Variants in RBM25 observed in about 807,000 individuals in gnomAD.
RBM25 encodes the protein RNA binding motif protein 25.
RBM25 carries 19 observed loss-of-function variants against 120.7 expected under a neutral mutation model. The observed-to-expected ratio is 0.16, with a 90% CI of 0.11 to 0.23. The LOEUF is 0.23. Ranked by LOEUF, RBM25 falls within the 10% of genes least tolerant of loss-of-function variation. The probability of loss-of-function intolerance (pLI) is 1.00; values close to 1 mark genes in which losing one functional copy is unlikely to be tolerated. For synonymous variants in RBM25, 390 were observed against 326.7 expected, an observed-to-expected ratio of 1.19 and a Z score of -2.09; for missense variants, 605 against 1,041.5, an observed-to-expected ratio of 0.58 and a Z score of 5.77.
chr14:73,077,063 A>G (rs1315059094), intron 3 of RBM25, among the ~76,000 whole-genome samples: 1 of 152,230 alleles, frequency 6.6e-6, no homozygotes, highest in South Asian at 2.1e-4. Flanking sequence ...CCTGGGCGAC[A>G]GAGCGAAATT....
intron 6 of RBM25, among the ~76,000 whole-genome samples, chr14:73,091,198 A>G (rs1351157462): frequency 1.3e-5 from 2 of 152,170 alleles, no homozygotes; most frequent in African/African-American, 4.8e-5. Context: ...GAAGTGCACA[A>G]TTATGTGACT....
intron 9 of RBM25, chr14:73,102,956 A>G (rs928131376): frequency 7.6e-5 from 54 of 710,754 alleles, no homozygotes; most frequent in Non-Finnish European, 1.1e-4. Context: ...ACCTGACACA[A>G]TCTCCCAGCA....
intron 1 of RBM25, among the ~76,000 whole-genome samples, chr14:73,061,179 T>C (rs1430665482): frequency 6.6e-6 from 1 of 150,902 alleles, no homozygotes; most frequent in Non-Finnish European, 1.5e-5. Flanking sequence ...TGCCTCATCC[T>C]CCATAGAAGC....
At chr14:73,111,449 T>G in intron 15 of RBM25, 79 bp from the exon 16 acceptor site, 1 of 1,414,696 alleles carries the variant, frequency 7.1e-7, no homozygotes, top group Non-Finnish European at 9.6e-7. Context: ...TATTTTGCAT[T>G]GCTTTTGAGG....
chr14:73,068,340 G>T, intron 1 of RBM25: 3 of 720,050 alleles, frequency 4.2e-6, no homozygotes, highest in Non-Finnish European at 2.5e-6. Flanking sequence ...GTGCCTTTTC[G>T]TCTTGGCAGT....
At chr14:73,064,910 A>G (rs886399184) in intron 1 of RBM25, 1 of 151,270 alleles carries the variant, frequency 6.6e-6, no homozygotes, top group Non-Finnish European at 1.5e-5. Context: ...TACACATTTA[A>G]AAACCATAAA....
At chr14:73,081,450 C>T (rs1315393449) in intron 4 of RBM25, among the ~76,000 whole-genome samples, 1 of 152,160 alleles carries the variant, frequency 6.6e-6, no homozygotes, top group Non-Finnish European at 1.5e-5. Flanking sequence ...TGTCAGGTCC[C>T]TTTGTTCGTC....
At position 73,106,278 on chromosome 14, in the gene RBM25, G is replaced by T; in HGVS notation, c.1460G>T (p.Arg487Ile). 6.4e-7 allele frequency: 1 copy of T among 1,561,474 alleles called. No homozygotes were observed. ...KEAEREEERR[R>I]EMAKEAKRLK... is the part of the protein sequence containing the mutation. The stretch of plus-strand genomic sequence containing the variant: ...GCTGAAAGAGAAGAAGAAAGAAGAA[G>T]AGAAATGGTAAGATTCTAGGCTAAA... The change falls in exon 12 of 19, where the codon AGA (arginine) becomes ATA (isoleucine). Residue 487 changes from arginine to isoleucine, a missense_variant. Around this residue, in one of 4 missense-constraint regions of RBM25, gnomAD observed 465 missense variants for 741.6 expected, o/e 0.63. Transcript: ENST00000261973.
intron 9 of RBM25, 85 bp downstream of exon 9, chr14:73,099,835 T>C: frequency 6.8e-7 from 1 of 1,461,306 alleles, no homozygotes; most frequent in Non-Finnish European, 9.0e-7. Flanking sequence ...CAACCTTAAA[T>C]TAGAATATAA....
At chr14:73,087,772 C>T (rs906907716) in intron 5 of RBM25, among the ~76,000 whole-genome samples, 3 of 152,158 alleles carry the variant, frequency 2.0e-5, no homozygotes, top group Non-Finnish European at 4.4e-5. Flanking sequence ...AGCAGTTTGT[C>T]TGATTTGAAT....
intron 5 of RBM25, among the ~76,000 whole-genome samples, chr14:73,083,861 TAGTA>T (rs1566588411): frequency 6.6e-6 from 1 of 151,940 alleles, no homozygotes; most frequent in African/African-American, 2.4e-5. Flanking sequence ...ATGGAACAAT[TAGTA>T]AGGGAGAAGA....
intron 18 of RBM25, 136 bp from the exon 19 acceptor site, chr14:73,119,577 T>C: frequency 6.8e-7 from 1 of 1,481,232 alleles, no homozygotes; most frequent in South Asian, 1.3e-5. Flanking sequence ...TAAAACAACC[T>C]TAAAATCTTA....
In RBM25 at chr14:73,076,652, G is replaced by A. The variant is rs572785580; in HGVS notation, c.156+284G>A. ...CTTGTTATTACAAATTTAGGACTTTGGCTCTTCATTGCCTTCTCATCTTGG... is the reference window on the plus strand; with the variant it reads ...CTTGTTATTACAAATTTAGGACTTTAGCTCTTCATTGCCTTCTCATCTTGG... On this transcript the variant is annotated intron_variant, in intron 3 of 18. Coordinates refer to ENST00000261973, the MANE Select transcript of RBM25 (RefSeq NM_021239.3). Among the ~76,000 whole-genome samples, 27 of 152,196 alleles carry A rather than the reference G, an allele frequency of 1.8e-4. 1 individual carries two copies. In the East Asian group the frequency reaches 4.8e-3, roughly 27 times the overall value.
chr14:73,097,682 A>T (rs748063397), intron 7 of RBM25, among the ~76,000 whole-genome samples: 3 of 152,180 alleles, frequency 2.0e-5, no homozygotes, highest in Admixed American at 1.3e-4. Flanking sequence ...TGTTCTAAGC[A>T]AGAAACCAGA....
At chr14:73,100,241 TG>T (rs1896031886) in intron 9 of RBM25, 2 of 640,030 alleles carry the variant, frequency 3.1e-6, no homozygotes, top group Non-Finnish European at 2.9e-6. Flanking sequence ...TTTAGATGCA[TG>T]GAAGAACTGT....
In RBM25 at chr14:73,081,857, A is replaced by G. The variant is rs149494837; in HGVS notation, c.325-1637A>G. Among the ~76,000 whole-genome samples the G allele has an allele frequency of 5.9e-3, 905 of 152,320 alleles. 12 individuals carry two copies. The highest frequency in any genetic ancestry group is 0.021 in the African/African-American group (858 of 41,568). On this transcript the variant is annotated intron_variant, in intron 4 of 18. Transcript: ENST00000261973. The stretch of plus-strand genomic sequence containing the variant: ...TGTGTGTGAACTGTTTTTCCCTGGA[A>G]TGCCTCTCCTAGTGAGGATTTGACT...
At chr14:73,096,766 C>A in intron 6 of RBM25, 149 bp from the exon 7 acceptor site, 1 of 605,144 alleles carries the variant, frequency 1.7e-6, no homozygotes, top group Non-Finnish European at 2.8e-6. Flanking sequence ...TGAAGCTTTT[C>A]TGATGTTAAG....
chr14:73,074,418 A>G (rs1895365107), intron 2 of RBM25, among the ~76,000 whole-genome samples: 1 of 151,890 alleles, frequency 6.6e-6, no homozygotes, highest in South Asian at 2.1e-4. Context: ...TACCATAACC[A>G]TGATGCAAAG....
chr14:73,101,179 A>C (rs1045324271), intron 9 of RBM25: 1 of 152,168 alleles, frequency 6.6e-6, no homozygotes, highest in African/African-American at 2.4e-5. Context: ...AAAATGAAAA[A>C]CCAAAACAGT....
Sources: allele counts gnomAD v4.1 joint callset (sites outside exome capture counted in the v4.1 genomes callset), GRCh38; gene constraint gnomAD v4.1.1; regional missense constraint gnomAD v4.1.1; transcripts MANE v1.5; gene names NCBI Gene and HGNC (gene_info 2026-07-23, HGNC 2026-07-21).